Variants in CALCOCO2 observed in about 807,000 individuals in gnomAD.
The protein encoded by CALCOCO2 is calcium binding and coiled-coil domain 2.
Under a neutral mutation model 62.5 loss-of-function variants are expected in CALCOCO2, and 42 were observed. The observed-to-expected ratio is 0.67, with a 90% CI of 0.53 to 0.87. The LOEUF is 0.87. Ranked by LOEUF, CALCOCO2 falls within the 40% of genes least tolerant of loss-of-function variation. CALCOCO2 has a pLI of 0.00. For missense variants in CALCOCO2, 456 were observed against 515.0 expected (o/e 0.89, Z 1.11); for synonymous variants, 167 against 173.0 (o/e 0.97, Z 0.27).
In CALCOCO2 at chr17:48,860,464, C is replaced by T; in HGVS notation, c.1144+15C>T. 6.2e-7 allele frequency: 1 copy of T among 1,612,150 alleles called. No homozygotes were observed. Among genetic ancestry groups the T allele is most frequent in the Non-Finnish European group, 8.5e-7 (1 of 1,178,660 alleles). The stretch of plus-strand genomic sequence containing the variant: ...CCCATATTCTGGTAAGACAACTTTC[C>T]CATTCCAACTGGAAGGACCCTGCCT... On this transcript the variant is annotated intron_variant, in intron 11 of 12. Transcript: ENST00000258947.
chr17:48,854,397 T>TATATATATATATA (rs1491128634), intron 9 of CALCOCO2, among the ~76,000 whole-genome samples: 7 of 1,754 alleles, frequency 4.0e-3, no homozygotes, highest in African/African-American at 4.7e-3. Context: ...TATATATATA[T>TATATATATATATA]TTTTTTTTTT....
chr17:48,860,723 C>T (rs1177602038), intron 11 of CALCOCO2, among the ~76,000 whole-genome samples: 1 of 152,180 alleles, frequency 6.6e-6, no homozygotes, highest in African/African-American at 2.4e-5. Context: ...AGAGAAATGT[C>T]TTTATGTAGA....
chr17:48,862,194 C>A, intron 11 of CALCOCO2, 82 bp from the exon 12 acceptor site: 1 of 905,206 alleles, frequency 1.1e-6, no homozygotes, highest in Non-Finnish European at 1.9e-6. Context: ...ATGAAAGTTA[C>A]AGGAAATATC....
rs1225834870 is a variant in CALCOCO2 at position 48,851,172 on chromosome 17, G to T, written c.627G>T (p.Leu209=). The stretch of plus-strand genomic sequence containing the variant: ...AGAAGGACTATTGGGAGACAGAGCT[G>T]CTTCAGTGAGTGCATCCCATAATTC... ...KEQKDYWETE[L]LQLKEQNQKM... The change falls in exon 6 of 13, where the codon CTG becomes CTT. Residue 209 remains leucine (L), a synonymous_variant. Transcript: ENST00000258947. 6.3e-7 allele frequency: 1 copy of T among 1,582,904 alleles called. No homozygotes were observed. Among genetic ancestry groups the T allele is most frequent in the South Asian group, 1.1e-5 (1 of 90,420 alleles).
At chr17:48,833,151 T>C (rs1191216565) in intron 1 of CALCOCO2, among the ~76,000 whole-genome samples, 1 of 152,246 alleles carries the variant, frequency 6.6e-6, no homozygotes, top group Non-Finnish European at 1.5e-5. Flanking sequence ...TAGTATCCAC[T>C]GCTGGTATTC....
chr17:48,850,611 G>T (rs1021255770), intron 5 of CALCOCO2, among the ~76,000 whole-genome samples: 1 of 152,094 alleles, frequency 6.6e-6, no homozygotes, highest in Non-Finnish European at 1.5e-5. Context: ...TAGGAAAAGG[G>T]CAGTTCTGTC....
chr17:48,850,479 T>C (rs932098370), intron 5 of CALCOCO2, among the ~76,000 whole-genome samples: 1 of 151,740 alleles, frequency 6.6e-6, no homozygotes, highest in Non-Finnish European at 1.5e-5. Context: ...AAACAAAAAA[T>C]ATATATATAT....
chr17:48,848,345 G>C lies in CALCOCO2; in HGVS notation c.307G>C (p.Glu103Gln), dbSNP rs1284328217. Residue 103 changes from glutamate to glutamine, a missense_variant, in exon 4 of 13, where the codon GAG (glutamate) becomes CAG (glutamine). Coordinates refer to ENST00000258947, the MANE Select transcript of CALCOCO2 (RefSeq NM_005831.5). ...AGCTTACTACCTGCCCAAGGATGATGAGTATTACCAGTTCTGCTATGTGGA... is the reference window on the plus strand; with the variant it reads ...AGCTTACTACCTGCCCAAGGATGATCAGTATTACCAGTTCTGCTATGTGGA... ...FKAYYLPKDD[E>Q]YYQFCYVDED... is the part of the protein sequence containing the mutation. 2 of 1,613,392 alleles carry C rather than the reference G, an allele frequency of 1.2e-6. No homozygotes were observed. Among genetic ancestry groups the C allele is most frequent in the Non-Finnish European group, 1.7e-6 (2 of 1,179,414 alleles).
At chr17:48,833,787 A>T (rs953835202) in intron 1 of CALCOCO2, among the ~76,000 whole-genome samples, 1 of 152,050 alleles carries the variant, frequency 6.6e-6, no homozygotes, top group African/African-American at 2.4e-5. Context: ...CATTTAAAAA[A>T]TTTTCTGCTA....
Position 48,862,818 on chromosome 17 carries a change from C to G in CALCOCO2, c.1174-20C>G. On this transcript the variant is annotated intron_variant, in intron 12 of 12. Transcript: ENST00000258947. Reference sequence around the variant, plus strand: ...ACATATAGCTTACATTTGTACTGACCTCTTTGCTCTTCCTCCCAGCTCTCC... The same window carrying G: ...ACATATAGCTTACATTTGTACTGACGTCTTTGCTCTTCCTCCCAGCTCTCC... 1 of 1,610,918 alleles carries G rather than the reference C, an allele frequency of 6.2e-7. No individual in the cohort carries two copies. Among genetic ancestry groups the G allele is most frequent in the Non-Finnish European group, 8.5e-7 (1 of 1,177,292 alleles).
At chr17:48,840,738 T>A (rs1306327640) in intron 1 of CALCOCO2, among the ~76,000 whole-genome samples, 1 of 152,218 alleles carries the variant, frequency 6.6e-6, no homozygotes, top group Admixed American at 6.5e-5. Flanking sequence ...CGAGAGCATT[T>A]TGCACTTCTT....
At chr17:48,857,608 C>G (rs574811249) in intron 10 of CALCOCO2, among the ~76,000 whole-genome samples, 1 of 146,064 alleles carries the variant, frequency 6.8e-6, no homozygotes, top group Admixed American at 7.1e-5. Flanking sequence ...TCTTTACCCT[C>G]TATAATCCTT....
rs1295520146 is a variant in CALCOCO2, at chr17:48,848,180, T to C, written c.283+14T>C. 1.1e-5 allele frequency: 17 copies of C among 1,582,212 alleles called. No individual in the cohort carries two copies. The highest frequency in any genetic ancestry group is 1.4e-5 in the Non-Finnish European group (16 of 1,151,088). ...TCCAATTCAAAGGTGAGAAAAATACTGGATCAAAGGTGTTGAAGACAGTAG... is the reference window on the plus strand; with the variant it reads ...TCCAATTCAAAGGTGAGAAAAATACCGGATCAAAGGTGTTGAAGACAGTAG... On this transcript the variant is annotated intron_variant, in intron 3 of 12. Transcript: ENST00000258947.
chr17:48,852,885 G>A (rs907185379), intron 8 of CALCOCO2, 41 bp from the exon 9 acceptor site: 3 of 1,437,694 alleles, frequency 2.1e-6, no homozygotes, highest in African/African-American at 2.8e-5. Context: ...GTGCATGTGT[G>A]TGTTTTCCCA....
In CALCOCO2 at chr17:48,848,214, A is replaced by G. The variant is rs758986254; in HGVS notation, c.283+48A>G. ...GGTGTTGAAGACAGTAGCCAAGACT[A>G]ATTAATTCCCTTCAGCTTGAGCTTT... On this transcript the variant is annotated intron_variant, in intron 3 of 12. Coordinates refer to ENST00000258947, the MANE Select transcript of CALCOCO2 (RefSeq NM_005831.5). 13 of 1,519,786 alleles carry G rather than the reference A, an allele frequency of 8.6e-6. No individual in the cohort carries two copies. The South Asian group carries it at 1.1e-4, about 13-fold the overall frequency. The allele number at this position is 1,519,786 out of a possible 1,614,324, so 94.1% of individuals were successfully genotyped here.
intron 9 of CALCOCO2, among the ~76,000 whole-genome samples, chr17:48,854,397 T>TATATATATATATATA (rs1491128634): frequency 3.4e-3 from 6 of 1,752 alleles, no homozygotes; most frequent in South Asian, 0.042. Context: ...TATATATATA[T>TATATATATATATATA]TTTTTTTTTT....
chr17:48,858,186 C>G (rs138619442), intron 10 of CALCOCO2, among the ~76,000 whole-genome samples: 11 of 151,758 alleles, frequency 7.2e-5, no homozygotes, highest in African/African-American at 2.7e-4. Context: ...AACTTCATAC[C>G]TACTAAAACA....
At chr17:48,849,433 C>T (rs964634621) in intron 5 of CALCOCO2, 56 bp downstream of exon 5, 6 of 1,476,828 alleles carry the variant, frequency 4.1e-6, no homozygotes, top group Non-Finnish European at 4.7e-6. Flanking sequence ...TTGGATGGTG[C>T]CTCTTATCCA....
At chr17:48,849,751 G>T (rs561351749) in intron 5 of CALCOCO2, among the ~76,000 whole-genome samples, 2 of 151,822 alleles carry the variant, frequency 1.3e-5, no homozygotes, top group Non-Finnish European at 2.9e-5. Context: ...TGATCCACTC[G>T]CCTGAGCTTC....
Sources: allele counts gnomAD v4.1 joint callset (sites outside exome capture counted in the v4.1 genomes callset), GRCh38; gene constraint gnomAD v4.1.1; transcripts MANE v1.5; gene names NCBI Gene and HGNC (gene_info 2026-07-23, HGNC 2026-07-21).